Variants in DOCK1 observed in about 807,000 individuals in gnomAD.
The protein encoded by DOCK1 is dedicator of cytokinesis 1.
A neutral mutation model predicts 262.7 loss-of-function variants in DOCK1; 138 were observed. The ratio of observed to expected loss-of-function variants is 0.53; its 90% CI spans 0.46 to 0.61. The LOEUF is 0.61. Among genes scored for constraint, DOCK1 ranks in the 20% least tolerant of loss-of-function variants. The pLI is 0.00. For synonymous variants in DOCK1, 866 were observed against 867.4 expected (o/e 1.00, Z 0.03); for missense variants, 1,908 against 2,370.7 (o/e 0.80, Z 4.05).
Position 127,110,372 on chromosome 10 carries a change from A to G in DOCK1, c.2623+18A>G. 1 of 1,593,792 alleles carries G rather than the reference A, an allele frequency of 6.3e-7. No individual in the cohort carries two copies. Among genetic ancestry groups the G allele is most frequent in the South Asian group, 1.1e-5 (1 of 88,888 alleles). On this transcript the variant is annotated intron_variant, in intron 25 of 51. Coordinates refer to ENST00000623213, the MANE Select transcript of DOCK1 (RefSeq NM_001290223.2). ...ACAGCATGGTGAGTGGAACCCCAAG[A>G]ATTATTCACTTGTCCTGTTATTTAT...
chr10:127,196,658 G>T (rs537276966), intron 27 of DOCK1, among the ~76,000 whole-genome samples: 281 of 149,252 alleles, frequency 1.9e-3, no homozygotes, highest in Non-Finnish European at 3.1e-3. Flanking sequence ...CGCGTGCGTG[G>T]GGTGGGGGAT....
intron 51 of DOCK1, among the ~76,000 whole-genome samples, chr10:127,448,501 G>A (rs1293349616): frequency 6.6e-6 from 1 of 152,192 alleles, no homozygotes; most frequent in Non-Finnish European, 1.5e-5. Context: ...CTCATGTCGG[G>A]CCCAGGCATG....
intron 29 of DOCK1, among the ~76,000 whole-genome samples, chr10:127,319,508 C>T (rs766992905): frequency 4.6e-5 from 7 of 152,220 alleles, no homozygotes; most frequent in Non-Finnish European, 1.0e-4. Context: ...GGTAGACGAT[C>T]ATTAGCCCAT....
intron 50 of DOCK1, 79 bp downstream of exon 50, chr10:127,444,358 C>G (rs545207081): frequency 2.7e-6 from 4 of 1,457,910 alleles, no homozygotes; most frequent in South Asian, 2.9e-5. Flanking sequence ...AGGTTAGAAG[C>G]GCTTCCTCCC....
chr10:126,981,862 T>TA (rs1478104229), intron 3 of DOCK1, 56 bp from the exon 4 acceptor site: 7 of 1,564,110 alleles, frequency 4.5e-6, no homozygotes, highest in Non-Finnish European at 6.1e-6. Flanking sequence ...TTGTTTGATT[T>TA]ACATTCAGCA....
At chr10:127,380,207 A>G in intron 36 of DOCK1, 85 bp downstream of exon 36, 1 of 1,101,856 alleles carries the variant, frequency 9.1e-7, no homozygotes. Context: ...AATGTGTTAT[A>G]GCCGCAAAGG....
intron 1 of DOCK1, among the ~76,000 whole-genome samples, chr10:126,926,461 A>G (rs556783330): frequency 6.6e-6 from 1 of 152,274 alleles, no homozygotes; most frequent in Non-Finnish European, 1.5e-5. Flanking sequence ...TTAAGGGAAA[A>G]CACAACTACT....
intron 23 of DOCK1, among the ~76,000 whole-genome samples, chr10:127,077,587 A>G (rs2046645632): frequency 6.6e-6 from 1 of 152,086 alleles, no homozygotes; most frequent in Non-Finnish European, 1.5e-5. Flanking sequence ...TCGACTTTAT[A>G]GCATATTAAG....
intron 38 of DOCK1, among the ~76,000 whole-genome samples, chr10:127,396,646 G>A (rs1454447897): frequency 2.6e-5 from 4 of 151,434 alleles, no homozygotes; most frequent in Non-Finnish European, 4.4e-5. Flanking sequence ...TTAAAGCACC[G>A]AGCAAGAGGC....
chr10:127,263,197 C>T (rs1435040573), intron 29 of DOCK1, among the ~76,000 whole-genome samples: 3 of 152,190 alleles, frequency 2.0e-5, no homozygotes, highest in African/African-American at 4.8e-5. Context: ...GAAGTGTATG[C>T]ACCATTTATC....
At chr10:127,192,097 A>G (rs1255405885) in intron 27 of DOCK1, among the ~76,000 whole-genome samples, 2 of 152,226 alleles carry the variant, frequency 1.3e-5, no homozygotes, top group African/African-American at 2.4e-5. Flanking sequence ...TATTGGATAG[A>G]ATAGTATAAT....
At chr10:127,018,906 G>T in intron 13 of DOCK1, 71 bp downstream of exon 13, 4 of 1,588,030 alleles carry the variant, frequency 2.5e-6, no homozygotes, top group Non-Finnish European at 3.4e-6. Context: ...TGACGTGTGG[G>T]CAGCATCATG....
At chr10:127,147,906 A>C (rs1211548938) in intron 27 of DOCK1, among the ~76,000 whole-genome samples, 1 of 151,560 alleles carries the variant, frequency 6.6e-6, no homozygotes, top group Admixed American at 6.6e-5. Context: ...CGGTGCGCGC[A>C]CGTAGTCCCA....
intron 29 of DOCK1, among the ~76,000 whole-genome samples, chr10:127,282,215 C>CTCTT (rs2060986617): frequency 6.6e-6 from 1 of 151,894 alleles, no homozygotes; most frequent in Admixed American, 6.6e-5. Context: ...TTCTCTCTCT[C>CTCTT]TCTTTCTCTC....
At chr10:127,002,675 G>T (rs2040678552) in intron 10 of DOCK1, among the ~76,000 whole-genome samples, 1 of 152,260 alleles carries the variant, frequency 6.6e-6, no homozygotes, top group East Asian at 1.9e-4. Context: ...CTTGTTTCTG[G>T]AGCCCCTACC....
rs748334073 is a variant in DOCK1, at chr10:127,248,004, A to G, written c.2848-4A>G. 4 of 1,613,382 alleles carry G rather than the reference A, an allele frequency of 2.5e-6. No individual in the cohort carries two copies. Among genetic ancestry groups the G allele is most frequent in the African/African-American group, 1.3e-5 (1 of 74,912 alleles). ...TCTAATTCTATCTTTTGATTCATTT[A>G]CAGGGAAACTTCGTGGCTTGCATGA... On this transcript the variant is annotated splice_polypyrimidine_tract_variant and splice_region_variant and intron_variant, in intron 27 of 51. Transcript: ENST00000623213.
At chr10:127,326,099 C>T (rs977868326) in intron 29 of DOCK1, among the ~76,000 whole-genome samples, 5 of 152,192 alleles carry the variant, frequency 3.3e-5, no homozygotes, top group African/African-American at 1.2e-4. Context: ...AATCTTTCTG[C>T]TGATAGAGAG....
intron 38 of DOCK1, among the ~76,000 whole-genome samples, chr10:127,396,965 G>A (rs2066897031): frequency 1.6e-5 from 2 of 124,286 alleles, no homozygotes; most frequent in Non-Finnish European, 3.7e-5. Flanking sequence ...TACACGGGCA[G>A]CGTCTCCTGT....
Position 126,951,274 on chromosome 10 carries a change from ATTG to A in DOCK1, c.47-19424_47-19422del, listed in dbSNP as rs1418001905. 5.3e-3 allele frequency among the ~76,000 whole-genome samples: 789 copies of A among 149,552 alleles called. 10 individuals are homozygous for A. The highest frequency in any genetic ancestry group is 0.019 in the African/African-American group (754 of 40,498). On this transcript the variant is annotated intron_variant, in intron 1 of 51. Coordinates refer to ENST00000623213, the MANE Select transcript of DOCK1 (RefSeq NM_001290223.2). ...TATTAGTGATAGTGGTGGTGGTAGT[ATTG>A]TTGGTAGTATTGGTAGTGTTAGTAG...
Sources: gnomAD v4.1 joint callset for allele counts (sites outside exome capture counted in the v4.1 genomes callset) on GRCh38, gnomAD v4.1.1 for gene constraint, MANE v1.5 for transcripts, NCBI Gene and HGNC (gene_info 2026-07-23, HGNC 2026-07-21) for gene names.